The following CAMKMT variants were observed in gnomAD, a reference collection of about 807,000 sequenced individuals.
CAMKMT encodes the protein calmodulin-lysine N-methyltransferase.
In CAMKMT, 53 loss-of-function variants were observed where a neutral mutation model predicts 48.0. The observed-to-expected ratio is 1.10, with a 90% CI of 0.89 to 1.39. The LOEUF (loss-of-function observed/expected upper bound fraction) is 1.39. Among genes scored for constraint, CAMKMT ranks in the 40% most tolerant of loss-of-function variants. The pLI is 0.00. For synonymous variants in CAMKMT, 165 were observed against 152.3 expected (o/e 1.08, Z -0.61); for missense variants, 428 against 402.7 (o/e 1.06, Z -0.54).
intron 3 of CAMKMT, among the ~76,000 whole-genome samples, chr2:44,695,282 T>G (rs1676875225): frequency 6.6e-6 from 1 of 152,188 alleles, no homozygotes; most frequent in South Asian, 2.1e-4. Flanking sequence ...TTAATAACCA[T>G]AGTACTATAA....
At chr2:44,654,288 C>G (rs952796810) in intron 3 of CAMKMT, among the ~76,000 whole-genome samples, 2 of 151,800 alleles carry the variant, frequency 1.3e-5, no homozygotes, top group African/African-American at 4.8e-5. Flanking sequence ...ATTCATGAAC[C>G]TTTACATGAA....
intron 7 of CAMKMT, among the ~76,000 whole-genome samples, chr2:44,721,830 G>T (rs1573163551): frequency 8.6e-6 from 1 of 116,540 alleles, no homozygotes; most frequent in African/African-American, 3.2e-5. Flanking sequence ...CTATTGAAAA[G>T]AAAAGAAGAG....
chr2:44,684,127 A>G (rs1359543146), intron 3 of CAMKMT, among the ~76,000 whole-genome samples: 2 of 152,194 alleles, frequency 1.3e-5, no homozygotes, highest in Non-Finnish European at 2.9e-5. Flanking sequence ...GATGGAGTTC[A>G]CAATAACATG....
intron 3 of CAMKMT, among the ~76,000 whole-genome samples, chr2:44,508,962 G>A (rs1219859505): frequency 6.6e-6 from 1 of 152,044 alleles, no homozygotes; most frequent in Non-Finnish European, 1.5e-5. Flanking sequence ...CGGGTGTGGT[G>A]GCATGTGCCT....
intron 3 of CAMKMT, among the ~76,000 whole-genome samples, chr2:44,511,525 G>T (rs1670553445): frequency 6.6e-6 from 1 of 152,048 alleles, no homozygotes. Context: ...CTGACCTCAG[G>T]CAATCCGCCT....
intron 3 of CAMKMT, among the ~76,000 whole-genome samples, chr2:44,681,830 T>G (rs879539418): frequency 3.3e-5 from 5 of 152,156 alleles, no homozygotes; most frequent in Non-Finnish European, 5.9e-5. Flanking sequence ...ATTCATCTGG[T>G]TTTTGTTTCA....
intron 3 of CAMKMT, among the ~76,000 whole-genome samples, chr2:44,573,617 G>A (rs1389838171): frequency 6.6e-6 from 1 of 151,880 alleles, no homozygotes; most frequent in East Asian, 1.9e-4. Flanking sequence ...TGGCTTTTGT[G>A]TTTTGTTAGG....
chr2:44,673,524 G>GGAAGGAA lies in CAMKMT; in HGVS notation c.377-30758_377-30757insAAGGAAG, dbSNP rs1558786891. On this transcript the variant is annotated intron_variant, in intron 3 of 10. Coordinates refer to ENST00000378494, the MANE Select transcript of CAMKMT (RefSeq NM_024766.5). ...AAGGAAGGAAGGAAGGAAGGAAGGA[G>GGAAGGAA]GGAAGGAAGAAATCTATACACCCAA... Among the ~76,000 whole-genome samples the GGAAGGAA allele has an allele frequency of 4.5e-3, 260 of 58,296 alleles. 9 individuals carry two copies. Among genetic ancestry groups the GGAAGGAA allele is most frequent in the African/African-American group, 9.9e-3 (152 of 15,376 alleles). The allele number at this position is 58,296 out of a possible 152,430, so 38.2% of individuals were successfully genotyped here.
chr2:44,535,151 A>G (rs1666698710), intron 3 of CAMKMT, among the ~76,000 whole-genome samples: 1 of 152,210 alleles, frequency 6.6e-6, no homozygotes, highest in Admixed American at 6.5e-5. Context: ...ACCTTAAGGA[A>G]ATGCATAAAT....
intron 3 of CAMKMT, among the ~76,000 whole-genome samples, chr2:44,444,062 C>T (rs2104570703): frequency 6.6e-6 from 1 of 152,118 alleles, no homozygotes; most frequent in South Asian, 2.1e-4. Flanking sequence ...AGTGTTACGG[C>T]CTGAAGGAAA....
chr2:44,437,003 T>A (rs1229741925), intron 3 of CAMKMT, among the ~76,000 whole-genome samples: 2 of 152,184 alleles, frequency 1.3e-5, no homozygotes, highest in African/African-American at 4.8e-5. Flanking sequence ...AGTTACAGAA[T>A]TTATAACATA....
chr2:44,431,335 A>G (rs926310829), intron 3 of CAMKMT, among the ~76,000 whole-genome samples: 1 of 152,192 alleles, frequency 6.6e-6, no homozygotes, highest in Non-Finnish European at 1.5e-5. Flanking sequence ...AAATATTATT[A>G]GCACTTCCCA....
chr2:44,518,487 C>T (rs1216160052), intron 3 of CAMKMT, among the ~76,000 whole-genome samples: 1 of 152,162 alleles, frequency 6.6e-6, no homozygotes, highest in Non-Finnish European at 1.5e-5. Flanking sequence ...AACAATAGAA[C>T]ACATGAATCT....
intron 3 of CAMKMT, among the ~76,000 whole-genome samples, chr2:44,548,571 A>G (rs2103640457): frequency 6.6e-6 from 1 of 152,326 alleles, no homozygotes; most frequent in Middle Eastern, 3.4e-3. Context: ...TTAAGGTCCC[A>G]AATCAGTTGA....
chr2:44,502,302 CT>C (rs11320874), intron 3 of CAMKMT, among the ~76,000 whole-genome samples: 96,799 of 151,852 alleles, frequency 0.64, 31,318 homozygotes, highest in Admixed American at 0.7. Context: ...TATCTCTCCC[CT>C]AAACCCTGCC....
chr2:44,679,386 G>C (rs1386709642), intron 3 of CAMKMT, among the ~76,000 whole-genome samples: 2 of 152,132 alleles, frequency 1.3e-5, no homozygotes, highest in East Asian at 3.8e-4. Flanking sequence ...TCCGAGTGAA[G>C]GGTTCAAGAA....
intron 6 of CAMKMT, among the ~76,000 whole-genome samples, chr2:44,708,526 C>T (rs1267072969): frequency 6.6e-6 from 1 of 151,970 alleles, no homozygotes; most frequent in East Asian, 1.9e-4. Flanking sequence ...AAAAAAAATT[C>T]AGGAAGGAAA....
chr2:44,551,217 G>A (rs527823204), intron 3 of CAMKMT, among the ~76,000 whole-genome samples: 4 of 152,162 alleles, frequency 2.6e-5, no homozygotes, highest in East Asian at 3.9e-4. Flanking sequence ...AACTGGATAC[G>A]GGGCTTTACA....
chr2:44,640,022 C>A (rs1484022202), intron 3 of CAMKMT, among the ~76,000 whole-genome samples: 1 of 152,064 alleles, frequency 6.6e-6, no homozygotes, highest in Non-Finnish European at 1.5e-5. Context: ...CAGCAAATAC[C>A]CATTTCCCTC....
Sources: allele counts gnomAD v4.1 joint callset (sites outside exome capture counted in the v4.1 genomes callset), GRCh38; gene constraint gnomAD v4.1.1; transcripts MANE v1.5; gene names NCBI Gene and HGNC (gene_info 2026-07-23, HGNC 2026-07-21).